FMN2: variants seen among roughly 807,000 people sequenced by gnomAD.
The protein encoded by FMN2 is formin 2, also known as formin-2.
A neutral mutation model predicts 142.3 loss-of-function variants in FMN2; 51 were observed. The ratio of observed to expected loss-of-function variants is 0.36; its 90% confidence interval spans 0.29 to 0.45. FMN2 has a LOEUF of 0.45. Among genes scored for constraint, FMN2 ranks in the 20% least tolerant of loss-of-function variants. The pLI, the probability that FMN2 is intolerant of heterozygous loss-of-function variation, is 1.00. For missense variants in FMN2, 1,936 were observed against 2,122.8 expected (o/e 0.91, Z 1.73); for synonymous variants, 882 against 869.8 (o/e 1.01, Z -0.25).
intron 6 of FMN2, among the ~76,000 whole-genome samples, chr1:240,255,485 A>G (rs904805158): frequency 1.3e-5 from 2 of 152,160 alleles, no homozygotes; most frequent in Admixed American, 6.5e-5. Flanking sequence ...GCATTTATCT[A>G]TGTAAGATAA....
chr1:240,419,097 A>C (rs1165873729), intron 15 of FMN2, among the ~76,000 whole-genome samples: 4 of 152,202 alleles, frequency 2.6e-5, no homozygotes, highest in Admixed American at 2.6e-4. Flanking sequence ...AACAAGAGCA[A>C]AACTCCATCT....
chr1:240,098,256 C>A (rs192027550), intron 1 of FMN2, among the ~76,000 whole-genome samples: 39 of 152,016 alleles, frequency 2.6e-4, no homozygotes, highest in African/African-American at 8.5e-4. Context: ...CGCCCATGAC[C>A]ACACCCAGCT....
rs372392337 is a variant in FMN2 at position 240,163,397 on chromosome 1, G to A, written c.1783-14524G>A. On this transcript the variant is annotated intron_variant, in intron 2 of 17. Coordinates refer to ENST00000319653, the MANE Select transcript of FMN2 (RefSeq NM_020066.5). ...TTTGAAGCCTTGTTATTTGAAGCAC[G>A]CATATTTAGAATTATTTATTTTCCT... Among the ~76,000 whole-genome samples the A allele has an allele frequency of 6.6e-5, 10 of 152,136 alleles. 1 individual carries two copies. In the South Asian group the frequency reaches 8.3e-4, roughly 13 times the overall value.
intron 7 of FMN2, among the ~76,000 whole-genome samples, chr1:240,289,646 C>T (rs925677270): frequency 4.6e-5 from 7 of 151,988 alleles, no homozygotes; most frequent in African/African-American, 1.7e-4. Flanking sequence ...TACCACTGCA[C>T]CCTAGCATGG....
intron 13 of FMN2, among the ~76,000 whole-genome samples, chr1:240,352,841 C>G (rs1051249827): frequency 2.6e-5 from 4 of 152,328 alleles, no homozygotes; most frequent in African/African-American, 9.6e-5. Context: ...CCACGTGAGG[C>G]TGTCGTAAAT....
chr1:240,248,654 A>G (rs1396462579), intron 6 of FMN2, among the ~76,000 whole-genome samples: 1 of 151,648 alleles, frequency 6.6e-6, no homozygotes, highest in South Asian at 2.1e-4. Flanking sequence ...TTCTATTTTT[A>G]GTTTTTTGAA....
intron 4 of FMN2, among the ~76,000 whole-genome samples, chr1:240,196,891 G>A (rs1219180036): frequency 6.6e-6 from 1 of 152,196 alleles, no homozygotes; most frequent in African/African-American, 2.4e-5. Flanking sequence ...TACAGGACAG[G>A]CAAAGGAGTA....
At chr1:240,204,642 G>A (rs1666256681) in intron 4 of FMN2, among the ~76,000 whole-genome samples, 1 of 152,070 alleles carries the variant, frequency 6.6e-6, no homozygotes, top group Non-Finnish European at 1.5e-5. Flanking sequence ...CCCCAGCTAC[G>A]CAGGAGGCTG....
chr1:240,192,583 G>A (rs1037779362), intron 4 of FMN2, among the ~76,000 whole-genome samples: 3 of 152,156 alleles, frequency 2.0e-5, no homozygotes, highest in Non-Finnish European at 4.4e-5. Flanking sequence ...AAGTCTTAAA[G>A]GAGATAGAGA....
At chr1:240,164,987 C>G (rs1252400748) in intron 2 of FMN2, among the ~76,000 whole-genome samples, 2 of 151,952 alleles carry the variant, frequency 1.3e-5, no homozygotes, top group Non-Finnish European at 2.9e-5. Context: ...GCAATATTTC[C>G]CATCCTTTTG....
At chr1:240,292,506 T>C (rs527944627) in intron 7 of FMN2, among the ~76,000 whole-genome samples, 40 of 152,308 alleles carry the variant, frequency 2.6e-4, no homozygotes, top group African/African-American at 9.4e-4. Context: ...TTAACACTTC[T>C]AGTATACTAG....
intron 6 of FMN2, among the ~76,000 whole-genome samples, chr1:240,219,510 G>A (rs1326447757): frequency 2.0e-5 from 3 of 151,988 alleles, no homozygotes; most frequent in Non-Finnish European, 2.9e-5. Context: ...TTATTTGAGG[G>A]CATAAGTTTA....
At chr1:240,152,296 C>T (rs1483301933) in intron 2 of FMN2, among the ~76,000 whole-genome samples, 12 of 137,080 alleles carry the variant, frequency 8.8e-5, no homozygotes, top group African/African-American at 2.8e-4. Context: ...TTTGATACTC[C>T]GAGCTCATTT....
intron 14 of FMN2, among the ~76,000 whole-genome samples, chr1:240,364,606 A>G (rs1170745965): frequency 6.6e-6 from 1 of 152,200 alleles, no homozygotes; most frequent in Non-Finnish European, 1.5e-5. Context: ...CAGCAGCCAC[A>G]ATCATTCATT....
Position 240,440,451 on chromosome 1 carries a change from C to T in FMN2, c.5060+2241C>T, listed in dbSNP as rs370395720. Among the ~76,000 whole-genome samples the T allele has an allele frequency of 2.1e-4, 32 of 152,256 alleles. No homozygotes were observed. The South Asian group carries it at 6.6e-3, about 32-fold the overall frequency. On this transcript the variant is annotated intron_variant, in intron 16 of 17. Transcript: ENST00000319653. ...GTGCATCTGACATGCCCAGAATGAG[C>T]TTTCCTTCACTCTCTAAGTATCTCA...
At chr1:240,374,531 A>G (rs771000608) in intron 14 of FMN2, among the ~76,000 whole-genome samples, 18 of 152,146 alleles carry the variant, frequency 1.2e-4, no homozygotes, top group Non-Finnish European at 2.1e-4. Flanking sequence ...CTTTTATGCT[A>G]TGGAGACAGA....
intron 8 of FMN2, among the ~76,000 whole-genome samples, chr1:240,299,248 T>G (rs538311850): frequency 6.6e-6 from 1 of 152,228 alleles, no homozygotes; most frequent in Non-Finnish European, 1.5e-5. Context: ...ACACATGGCC[T>G]GAGTTTTTAT....
rs1672462325 is a variant in FMN2 at position 240,361,160 on chromosome 1, TATATATATATATATATATATATATAAAA to T, written c.4858+5253_4858+5280del. Among the ~76,000 whole-genome samples, 71 of 32,786 alleles carry T rather than the reference TATATATATATATATATATATATATAAAA, an allele frequency of 2.2e-3. 1 individual carries two copies. Among genetic ancestry groups the T allele is most frequent in the Admixed American group, 0.011 (26 of 2,454 alleles). The allele number at this position is 32,786 out of a possible 152,430, so 21.5% of individuals were successfully genotyped here. ...ATATGTGTATATATATATATATATA[TATATATATATATATATATATATATAAAA>T]GAGTTTAAAGAAGGAAAAAAACACG... On this transcript the variant is annotated intron_variant, in intron 14 of 17. Transcript: ENST00000319653.
intron 6 of FMN2, among the ~76,000 whole-genome samples, chr1:240,248,745 T>A (rs1668175089): frequency 1.3e-5 from 2 of 152,188 alleles, no homozygotes; most frequent in South Asian, 4.1e-4. Flanking sequence ...TCTATTTTTT[T>A]AAATAATAGT....
Sources: allele counts gnomAD v4.1 joint callset (sites outside exome capture counted in the v4.1 genomes callset), GRCh38; gene constraint gnomAD v4.1.1; transcripts MANE v1.5; gene names NCBI Gene and HGNC (gene_info 2026-07-23, HGNC 2026-07-21).